Variants in FAM3C observed in about 807,000 individuals in gnomAD.
FAM3C encodes the protein protein FAM3C.
Under a neutral mutation model 32.5 loss-of-function variants are expected in FAM3C, and 15 were observed. The observed-to-expected ratio is 0.46, with a 90% CI of 0.31 to 0.71. The LOEUF (loss-of-function observed/expected upper bound fraction) is 0.71, where lower values mean the gene tolerates loss of function less well. FAM3C is among the 30% of genes least tolerant of loss of function. The pLI is 0.05. For missense variants in FAM3C, 175 were observed against 274.4 expected (o/e 0.64, Z 2.56); for synonymous variants, 75 against 86.1 (o/e 0.87, Z 0.72).
At chr7:121,359,474 G>C (rs1047003713) in intron 8 of FAM3C, among the ~76,000 whole-genome samples, 3 of 152,012 alleles carry the variant, frequency 2.0e-5, no homozygotes, top group Non-Finnish European at 4.4e-5. Flanking sequence ...TGTGTCTTAA[G>C]TCATCTGGAA....
chr7:121,350,638 T>TC, intron 9 of FAM3C, 88 bp from the exon 10 acceptor site: 2 of 1,314,972 alleles, frequency 1.5e-6, no homozygotes, highest in East Asian at 4.6e-5. Flanking sequence ...CTCATTTCAG[T>TC]AATACTCATG....
chr7:121,350,008 C>T lies in FAM3C; in HGVS notation c.*453G>A, dbSNP rs1173183730. ...CTGTAAAGTAACATTACACACACAACTAGCCAAATCTCTTTTTAATTTAAA... is the reference window on the plus strand; with the variant it reads ...CTGTAAAGTAACATTACACACACAATTAGCCAAATCTCTTTTTAATTTAAA... On this transcript the variant is annotated 3_prime_UTR_variant, in exon 10 of 10. Transcript: ENST00000359943. 1 of 157,080 alleles carries T rather than the reference C, an allele frequency of 6.4e-6. No homozygotes were observed. The highest frequency in any genetic ancestry group is 1.3e-5 in the Non-Finnish European group (1 of 74,640). 9.7% of individuals were successfully genotyped at this position (157,080 alleles called of 1,614,324 possible). A position where few individuals can be genotyped will look rare whatever the true frequency, so the allele number is the denominator to read the frequency against.
chr7:121,363,877 G>A (rs1793973904), intron 6 of FAM3C, among the ~76,000 whole-genome samples: 1 of 152,098 alleles, frequency 6.6e-6, no homozygotes, highest in South Asian at 2.1e-4. Context: ...TTATCAATGT[G>A]ATGTTAGACT....
intron 1 of FAM3C, among the ~76,000 whole-genome samples, chr7:121,390,659 A>G (rs977084348): frequency 2.9e-4 from 44 of 152,120 alleles, no homozygotes; most frequent in African/African-American, 1.1e-3. Context: ...CATGCACACC[A>G]GAATTACTAG....
chr7:121,378,845 A>G, intron 3 of FAM3C, 65 bp downstream of exon 3: 1 of 779,840 alleles, frequency 1.3e-6, no homozygotes, highest in African/African-American at 1.8e-5. Context: ...CTCAGTGCTG[A>G]TAACTGATAA....
At chr7:121,360,522 G>A (rs1363368955) in intron 7 of FAM3C, among the ~76,000 whole-genome samples, 1 of 152,120 alleles carries the variant, frequency 6.6e-6, no homozygotes, top group Non-Finnish European at 1.5e-5. Flanking sequence ...GAGGTGTGTG[G>A]ACTCCTTAAG....
At chr7:121,370,320 A>G (rs1794120476) in intron 5 of FAM3C, among the ~76,000 whole-genome samples, 1 of 152,184 alleles carries the variant, frequency 6.6e-6, no homozygotes, top group African/African-American at 2.4e-5. Context: ...ATGAAGCTCA[A>G]TAAACTTCTT....
At chr7:121,371,626 C>T (rs1227372923) in intron 4 of FAM3C, among the ~76,000 whole-genome samples, 2 of 151,850 alleles carry the variant, frequency 1.3e-5, no homozygotes, top group African/African-American at 2.4e-5. Flanking sequence ...CAAAGAAACC[C>T]ACAACAGACA....
chr7:121,356,884 C>A (rs1426152688), intron 8 of FAM3C, among the ~76,000 whole-genome samples: 1 of 152,138 alleles, frequency 6.6e-6, no homozygotes, highest in African/African-American at 2.4e-5. Context: ...TAACTGTACT[C>A]CCTGAAGTGT....
At chr7:121,351,095 G>T in intron 9 of FAM3C, 48 bp downstream of exon 9, 1 of 1,566,852 alleles carries the variant, frequency 6.4e-7, no homozygotes, top group Non-Finnish European at 8.7e-7. Flanking sequence ...GTACCGTAAG[G>T]TTTCACAGAA....
chr7:121,363,275 T>G (rs570404406), intron 6 of FAM3C, among the ~76,000 whole-genome samples: 1 of 152,312 alleles, frequency 6.6e-6, no homozygotes, highest in East Asian at 1.9e-4. Flanking sequence ...CCATATTCTC[T>G]TATTTTAAAA....
In FAM3C at chr7:121,359,937, G is replaced by A. The variant is rs1433411581; in HGVS notation, c.467+106C>T. The stretch of plus-strand genomic sequence containing the variant: ...AAAAATTGTTAGTTGTGTTTACCTG[G>A]TAGTTTGATTACTTTGCTCTATGTT... On this transcript the variant is annotated intron_variant, in intron 8 of 9. Coordinates refer to ENST00000359943, the MANE Select transcript of FAM3C (RefSeq NM_014888.3). 1.3e-5 allele frequency: 9 copies of A among 678,038 alleles called. No individual in the cohort carries two copies. In the South Asian group the frequency reaches 1.4e-4, roughly 10 times the overall value. The allele number at this position is 678,038 out of a possible 1,614,324, so 42.0% of individuals were successfully genotyped here. A position where few individuals can be genotyped will look rare whatever the true frequency, so the allele number is the denominator to read the frequency against.
In FAM3C at chr7:121,381,316, T is replaced by A. The variant is rs183853085; in HGVS notation, c.13+1641A>T. ...ATATTTCAAAGCAATCAGATTTTTT[T>A]AAAAAAATTAGAAGAGATTAATTAG... On this transcript the variant is annotated intron_variant, in intron 2 of 9. Transcript: ENST00000359943. Among the ~76,000 whole-genome samples the A allele has an allele frequency of 5.6e-3, 860 of 152,220 alleles. 3 individuals are homozygous for A. Among genetic ancestry groups the A allele is most frequent in the Non-Finnish European group, 7.8e-3 (529 of 68,006 alleles).
At chr7:121,366,767 C>A (rs1794031567) in intron 5 of FAM3C, among the ~76,000 whole-genome samples, 1 of 152,142 alleles carries the variant, frequency 6.6e-6, no homozygotes, top group African/African-American at 2.4e-5. Context: ...AGGTTCTATG[C>A]TTTACTACTT....
intron 3 of FAM3C, among the ~76,000 whole-genome samples, chr7:121,377,813 T>C (rs949919275): frequency 6.6e-6 from 1 of 152,222 alleles, no homozygotes; most frequent in Non-Finnish European, 1.5e-5. Flanking sequence ...TACAGGTTTG[T>C]AGCCTAGGAG....
chr7:121,384,108 T>C (rs1584706961), intron 1 of FAM3C, among the ~76,000 whole-genome samples: 1 of 151,764 alleles, frequency 6.6e-6, no homozygotes, highest in African/African-American at 2.4e-5. Flanking sequence ...GGCGGGGGAG[T>C]CTGGACAGCT....
intron 8 of FAM3C, among the ~76,000 whole-genome samples, chr7:121,358,146 A>G (rs1793848403): frequency 6.6e-6 from 1 of 152,156 alleles, no homozygotes; most frequent in East Asian, 1.9e-4. Context: ...TGGATTTAAT[A>G]TATTCTTAGT....
intron 6 of FAM3C, 99 bp downstream of exon 6, chr7:121,364,031 G>C: frequency 1.3e-6 from 1 of 793,088 alleles, no homozygotes; most frequent in Non-Finnish European, 2.2e-6. Context: ...TTATCATCAA[G>C]AGCAGTACTT....
chr7:121,363,420 T>A (rs1793965416), intron 6 of FAM3C, among the ~76,000 whole-genome samples: 1 of 152,146 alleles, frequency 6.6e-6, no homozygotes, highest in South Asian at 2.1e-4. Flanking sequence ...ATTAATGAAA[T>A]AGACAGATGT....
Sources: allele counts gnomAD v4.1 joint callset (sites outside exome capture counted in the v4.1 genomes callset), GRCh38; gene constraint gnomAD v4.1.1; transcripts MANE v1.5; gene names NCBI Gene and HGNC (gene_info 2026-07-23, HGNC 2026-07-21).